Variants in SRGAP1 observed in about 807,000 individuals in gnomAD.
SRGAP1 encodes the protein SLIT-ROBO Rho GTPase activating protein 1.
SRGAP1 carries 43 observed loss-of-function variants against 121.9 expected under a neutral mutation model. That is an observed-to-expected ratio of 0.35 (90% CI 0.28 to 0.46). The LOEUF (loss-of-function observed/expected upper bound fraction) is 0.46, where lower values mean the gene tolerates loss of function less well. Among genes scored for constraint, SRGAP1 ranks in the 20% least tolerant of loss-of-function variants. The pLI, the probability that SRGAP1 is intolerant of heterozygous loss-of-function variation, is 1.00. For synonymous variants in SRGAP1, 447 were observed against 485.4 expected, an observed-to-expected ratio of 0.92 and a Z score of 1.04; for missense variants, 1,102 against 1,350.9, an observed-to-expected ratio of 0.82 and a Z score of 2.89.
At chr12:63,972,270 T>A (rs1173607455) in intron 1 of SRGAP1, among the ~76,000 whole-genome samples, 1 of 152,244 alleles carries the variant, frequency 6.6e-6, no homozygotes, top group Non-Finnish European at 1.5e-5. Context: ...TGTTTTAGAT[T>A]AAGGTATTCT....
chr12:64,109,934 C>A (rs899396150), intron 16 of SRGAP1, among the ~76,000 whole-genome samples: 3 of 152,026 alleles, frequency 2.0e-5, no homozygotes, highest in African/African-American at 7.2e-5. Flanking sequence ...AAGTATCATA[C>A]AATAGGGAAA....
At chr12:63,972,811 T>C (rs2032994113) in intron 1 of SRGAP1, among the ~76,000 whole-genome samples, 1 of 152,168 alleles carries the variant, frequency 6.6e-6, no homozygotes, top group African/African-American at 2.4e-5. Flanking sequence ...TTTAGCTAGT[T>C]TTTTTAAAAA....
chr12:64,043,385 C>T, intron 5 of SRGAP1, 62 bp from the exon 6 acceptor site: 2 of 1,516,608 alleles, frequency 1.3e-6, no homozygotes, highest in African/African-American at 1.4e-5. Context: ...ATGTATGTTT[C>T]TCTGTCTTGA....
Position 64,109,053 on chromosome 12 carries a change from C to A in SRGAP1, c.1919+16C>A. The A allele has an allele frequency of 6.8e-7, 1 of 1,474,818 alleles. No homozygotes were observed. Among genetic ancestry groups the A allele is most frequent in the Non-Finnish European group, 9.2e-7 (1 of 1,085,412 alleles). The allele number at this position is 1,474,818 out of a possible 1,614,324, so 91.4% of individuals were successfully genotyped here. On this transcript the variant is annotated intron_variant, in intron 16 of 21. Coordinates refer to ENST00000355086, the MANE Select transcript of SRGAP1 (RefSeq NM_020762.4). ...TCCTCAATCAGTAAGTACCTGAATG[C>A]TCTGACAAAAGGCCCATCTGAATTC... is the stretch of plus-strand genomic sequence containing the variant.
At chr12:63,883,490 A>G (rs1900263268) in intron 1 of SRGAP1, among the ~76,000 whole-genome samples, 1 of 152,192 alleles carries the variant, frequency 6.6e-6, no homozygotes. Flanking sequence ...AAATTAAAAA[A>G]GAAAATTAAA....
intron 10 of SRGAP1, chr12:64,080,633 G>C: frequency 1.9e-6 from 1 of 521,324 alleles, no homozygotes; most frequent in Non-Finnish European, 3.5e-6. Context: ...GGGATCTTCA[G>C]AGTGTGGTGC....
chr12:63,918,165 C>G (rs1410066796), intron 1 of SRGAP1, among the ~76,000 whole-genome samples: 1 of 152,078 alleles, frequency 6.6e-6, no homozygotes, highest in East Asian at 1.9e-4. Context: ...CAATAAAAAG[C>G]CGCTTTTTAT....
chr12:63,849,465 T>C (rs1899005079), intron 1 of SRGAP1, among the ~76,000 whole-genome samples: 1 of 152,244 alleles, frequency 6.6e-6, no homozygotes. Flanking sequence ...TTATTATTTG[T>C]AGTATTTTCC....
chr12:63,998,480 A>C (rs763276983), intron 3 of SRGAP1, among the ~76,000 whole-genome samples: 1 of 152,146 alleles, frequency 6.6e-6, no homozygotes, highest in Non-Finnish European at 1.5e-5. Flanking sequence ...TCTCTGTTCT[A>C]TCACAGATTG....
chr12:63,852,516 A>G (rs1412547184), intron 1 of SRGAP1, among the ~76,000 whole-genome samples: 1 of 152,182 alleles, frequency 6.6e-6, no homozygotes, highest in Non-Finnish European at 1.5e-5. Flanking sequence ...AGCTCATTAT[A>G]AGGTGGATTT....
chr12:64,002,287 C>CA (rs1399276870), intron 3 of SRGAP1, among the ~76,000 whole-genome samples: 1 of 152,206 alleles, frequency 6.6e-6, no homozygotes, highest in Non-Finnish European at 1.5e-5. Flanking sequence ...CAGAGGCCTA[C>CA]AACTACCTAC....
chr12:64,156,010 A>C lies in SRGAP1; in HGVS notation c.*13338A>C, dbSNP rs576608881. 1.3e-5 allele frequency: 2 copies of C among 152,310 alleles called. No homozygotes were observed. The highest frequency in any genetic ancestry group is 3.9e-4 in the East Asian group (2 of 5,182). The allele number at this position is 152,310 out of a possible 1,614,324, so 9.4% of individuals were successfully genotyped here. ...ATCGGATTTAGTCCTGTAAGACCGGAATCATTATTATCCCCATTTTTCAGA... is the reference window on the plus strand; with the variant it reads ...ATCGGATTTAGTCCTGTAAGACCGGCATCATTATTATCCCCATTTTTCAGA... On this transcript the variant is annotated 3_prime_UTR_variant, in exon 22 of 22. Coordinates refer to ENST00000355086, the MANE Select transcript of SRGAP1 (RefSeq NM_020762.4).
intron 11 of SRGAP1, among the ~76,000 whole-genome samples, chr12:64,087,433 G>A (rs2035967263): frequency 6.6e-6 from 1 of 151,994 alleles, no homozygotes; most frequent in African/African-American, 2.4e-5. Context: ...TTTTCCTTTA[G>A]TCATATAAAC....
At chr12:64,138,709 T>G (rs1205646934) in intron 21 of SRGAP1, among the ~76,000 whole-genome samples, 1 of 151,914 alleles carries the variant, frequency 6.6e-6, no homozygotes, top group Admixed American at 6.6e-5. Flanking sequence ...GAAATTGATA[T>G]TAAAACAATT....
chr12:63,848,264 C>T (rs1277667659), intron 1 of SRGAP1, among the ~76,000 whole-genome samples: 2 of 152,004 alleles, frequency 1.3e-5, no homozygotes, highest in African/African-American at 4.8e-5. Context: ...CCTCTGCCTC[C>T]ACCTCCCAAA....
intron 8 of SRGAP1, among the ~76,000 whole-genome samples, chr12:64,076,624 A>G (rs969954630): frequency 6.6e-6 from 1 of 152,186 alleles, no homozygotes; most frequent in African/African-American, 2.4e-5. Flanking sequence ...TGTCTAATAT[A>G]CTAATTGAAC....
chr12:64,033,207 G>A (rs1369084304), intron 4 of SRGAP1, among the ~76,000 whole-genome samples: 2 of 151,822 alleles, frequency 1.3e-5, no homozygotes, highest in Non-Finnish European at 2.9e-5. Context: ...TGGTTACTTG[G>A]CAGTCCCTAG....
intron 18 of SRGAP1, among the ~76,000 whole-genome samples, chr12:64,116,255 C>CAAA (rs35619316): frequency 2.9e-4 from 21 of 72,588 alleles, no homozygotes; most frequent in Non-Finnish European, 4.9e-4. Context: ...GACCTCATCT[C>CAAA]AAAAAAAAAA....
chr12:64,007,231 C>T (rs557312795), intron 3 of SRGAP1, among the ~76,000 whole-genome samples: 3 of 152,278 alleles, frequency 2.0e-5, no homozygotes, highest in Admixed American at 6.5e-5. Flanking sequence ...CAGTGGTCCC[C>T]AACCTTTTTG....
Sources: allele counts gnomAD v4.1 joint callset (sites outside exome capture counted in the v4.1 genomes callset), GRCh38; gene constraint gnomAD v4.1.1; transcripts MANE v1.5; gene names NCBI Gene and HGNC (gene_info 2026-07-23, HGNC 2026-07-21).